Variants in DOCK9 observed in about 807,000 individuals in gnomAD.
DOCK9 encodes the protein dedicator of cytokinesis 9.
Under a neutral mutation model 263.3 loss-of-function variants are expected in DOCK9, and 89 were observed. That is an observed-to-expected ratio of 0.34 (90% confidence interval 0.28 to 0.40). The LOEUF (loss-of-function observed/expected upper bound fraction) is 0.40. Ranked by LOEUF, DOCK9 falls within the 10% of genes least tolerant of loss-of-function variation. The pLI is 1.00. For missense variants in DOCK9, 2,140 were observed against 2,603.4 expected (o/e 0.82, Z 3.87); for synonymous variants, 976 against 973.1 (o/e 1.00, Z -0.06).
upstream of DOCK9, among the ~76,000 whole-genome samples, chr13:98,981,371 T>A (rs919924916): frequency 1.4e-4 from 22 of 152,140 alleles, no homozygotes; most frequent in South Asian, 6.2e-4. Flanking sequence ...CAAGTAAAAA[T>A]TTTTTTAAAT....
chr13:98,891,443 A>G (rs1005832572), intron 15 of DOCK9, among the ~76,000 whole-genome samples: 1 of 152,220 alleles, frequency 6.6e-6, no homozygotes, highest in African/African-American at 2.4e-5. Context: ...ACTTTTAAAT[A>G]TAAGTAAGTA....
chr13:98,994,925 T>C lies in DOCK9; in HGVS notation c.130-39374A>G, dbSNP rs545767765. ...AATATTAAACACTTAAGTTTTACTT[T>C]TCTGTTCACTTTAAATTGTAAACGA... On this transcript the variant is annotated intron_variant, in intron 1 of 32. Coordinates refer to the DOCK9 transcript ENST00000427887. Among the ~76,000 whole-genome samples the C allele has an allele frequency of 6.8e-4, 103 of 152,356 alleles. 1 individual carries two copies. Among genetic ancestry groups the C allele is most frequent in the African/African-American group, 2.4e-3 (100 of 41,588 alleles).
At chr13:99,079,976 G>A (rs2042063839) in intron 1 of DOCK9, among the ~76,000 whole-genome samples, 1 of 152,174 alleles carries the variant, frequency 6.6e-6, no homozygotes, top group Non-Finnish European at 1.5e-5. Flanking sequence ...GAAGGCAGAG[G>A]TTGCAGTGAG....
At chr13:98,941,951 G>A (rs1047013299) in intron 2 of DOCK9, among the ~76,000 whole-genome samples, 1 of 152,136 alleles carries the variant, frequency 6.6e-6, no homozygotes, top group Non-Finnish European at 1.5e-5. Flanking sequence ...CAAATTTTAG[G>A]GGAAATATCA....
intron 1 of DOCK9, among the ~76,000 whole-genome samples, chr13:98,957,096 C>A (rs1431178360): frequency 1.3e-5 from 2 of 152,148 alleles, no homozygotes; most frequent in Non-Finnish European, 2.9e-5. Flanking sequence ...AAAAGCCTTC[C>A]ACGTGGCCCC....
At chr13:98,853,373 A>G (rs910394724) in intron 35 of DOCK9, 35 bp downstream of exon 35, 2 of 1,423,716 alleles carry the variant, frequency 1.4e-6, no homozygotes, top group African/African-American at 2.8e-5. Flanking sequence ...AAGTGCTGAA[A>G]CGAGCAAAAC....
chr13:98,864,015 T>C (rs1370331553), intron 30 of DOCK9, among the ~76,000 whole-genome samples: 1 of 152,198 alleles, frequency 6.6e-6, no homozygotes, highest in Non-Finnish European at 1.5e-5. Context: ...ATTACATGAG[T>C]TCATATATTC....
chr13:99,029,053 CT>C (rs1165198994), intron 1 of DOCK9, among the ~76,000 whole-genome samples: 2 of 152,210 alleles, frequency 1.3e-5, no homozygotes, highest in African/African-American at 2.4e-5. Flanking sequence ...GGGAGACTAG[CT>C]CCTTCCCCTC....
At position 98,804,907 on chromosome 13, in the gene DOCK9, G is replaced by C. The variant is rs2296983; in HGVS notation, c.5725+92C>G. 0.43 allele frequency: 584,252 copies of C among 1,372,520 alleles called. 128,089 individuals are homozygous for C. The highest frequency in any genetic ancestry group is 0.6 in the East Asian group (23,907 of 39,764). 85.0% of individuals were successfully genotyped at this position (1,372,520 alleles called of 1,614,324 possible). A position where few individuals can be genotyped will look rare whatever the true frequency, so the allele number is the denominator to read the frequency against. On this transcript the variant is annotated intron_variant, in intron 49 of 52. Transcript: ENST00000682017. ...TGGGGGTGGCTAACTGAGCTCGAAA[G>C]ACCCTTCCAGTCCTGAAGCTTCTGA...
chr13:98,796,078 A>G (rs2089351747), intron 52 of DOCK9: 1 of 688,232 alleles, frequency 1.5e-6, no homozygotes. Context: ...TAAAATGTCC[A>G]GAAGAGGGTG....
At position 99,047,097 on chromosome 13, in the gene DOCK9, G is replaced by C. The variant is rs2040469898; in HGVS notation, c.129+39126C>G. 4.6e-5 allele frequency among the ~76,000 whole-genome samples: 7 copies of C among 152,272 alleles called. No homozygotes were observed. The South Asian group carries it at 1.4e-3, about 32-fold the overall frequency. On this transcript the variant is annotated intron_variant, in intron 1 of 32. Transcript: ENST00000427887. ...TGGTGGCTATGTTGGACTATTCATG[G>C]GGGTCAAATAAATAAAAATGGCCAA...
At chr13:99,069,154 G>A (rs1003549998) in intron 1 of DOCK9, among the ~76,000 whole-genome samples, 1 of 152,128 alleles carries the variant, frequency 6.6e-6, no homozygotes, top group African/African-American at 2.4e-5. Context: ...TTTTTCTCAA[G>A]CCACATCATA....
intron 1 of DOCK9, among the ~76,000 whole-genome samples, chr13:99,076,572 T>G (rs2041918627): frequency 6.6e-6 from 1 of 152,140 alleles, no homozygotes; most frequent in South Asian, 2.1e-4. Context: ...TATGTAGCAA[T>G]GAGAAACTCA....
intron 5 of DOCK9, 102 bp from the exon 6 acceptor site, chr13:98,922,248 G>A: frequency 1.3e-6 from 1 of 777,726 alleles, no homozygotes; most frequent in Non-Finnish European, 2.1e-6. Flanking sequence ...GTGCCAAGTT[G>A]TCCATTGCCC....
At chr13:98,986,618 C>T (rs1878520564) in intron 1 of DOCK9, among the ~76,000 whole-genome samples, 1 of 152,182 alleles carries the variant, frequency 6.6e-6, no homozygotes, top group African/African-American at 2.4e-5. Context: ...ATATCATCAG[C>T]AGCAAAGATG....
intron 7 of DOCK9, among the ~76,000 whole-genome samples, chr13:98,919,241 C>A (rs2051444980): frequency 6.6e-6 from 1 of 152,140 alleles, no homozygotes; most frequent in African/African-American, 2.4e-5. Context: ...TCCCAAGTAG[C>A]TGGGATTACA....
intron 1 of DOCK9, among the ~76,000 whole-genome samples, chr13:98,957,014 C>T (rs572081838): frequency 6.6e-6 from 1 of 152,290 alleles, no homozygotes; most frequent in Admixed American, 6.5e-5. Context: ...TGTTTTGGTG[C>T]ACCCATGTGA....
intron 1 of DOCK9, 47 bp downstream of exon 1, chr13:98,977,737 C>T: frequency 6.3e-7 from 1 of 1,593,932 alleles, no homozygotes; most frequent in South Asian, 1.1e-5. Context: ...ACAATAAGAA[C>T]CCAGCATTGG....
chr13:99,020,385 T>C (rs1300308953), intron 1 of DOCK9, among the ~76,000 whole-genome samples: 1 of 152,128 alleles, frequency 6.6e-6, no homozygotes, highest in Non-Finnish European at 1.5e-5. Context: ...TACCTCAGGG[T>C]GTGCATTTTA....
Sources: allele counts gnomAD v4.1 joint callset (sites outside exome capture counted in the v4.1 genomes callset), GRCh38; gene constraint gnomAD v4.1.1; transcripts MANE v1.5; gene names NCBI Gene and HGNC (gene_info 2026-07-23, HGNC 2026-07-21).